The following BTRC variants were observed in gnomAD, a reference collection of about 807,000 sequenced individuals.
BTRC encodes beta-transducin repeat containing E3 ubiquitin protein ligase, also known as F-box/WD repeat-containing protein 1A.
BTRC carries 42 observed loss-of-function variants against 85.5 expected under a neutral mutation model. The observed-to-expected ratio is 0.49, with a 90% confidence interval of 0.38 to 0.64. BTRC has a LOEUF of 0.64. BTRC is among the 30% of genes least tolerant of loss of function. BTRC has a pLI of 0.00. For synonymous variants in BTRC, 255 were observed against 263.3 expected (o/e 0.97, Z 0.30); for missense variants, 594 against 743.5 (o/e 0.80, Z 2.34).
chr10:101,442,670 C>T (rs927269246), intron 2 of BTRC, among the ~76,000 whole-genome samples: 1 of 151,970 alleles, frequency 6.6e-6, no homozygotes, highest in Non-Finnish European at 1.5e-5. Flanking sequence ...TCTTTTTTCT[C>T]ATTTTGTCCT....
At chr10:101,404,802 T>C (rs1468059003) in intron 1 of BTRC, among the ~76,000 whole-genome samples, 2 of 151,904 alleles carry the variant, frequency 1.3e-5, no homozygotes, top group African/African-American at 4.8e-5. Context: ...ATCGAGACCA[T>C]CCTGGCTAAT....
At chr10:101,546,764 A>G (rs1416506263) in intron 13 of BTRC, among the ~76,000 whole-genome samples, 3 of 152,232 alleles carry the variant, frequency 2.0e-5, no homozygotes, top group African/African-American at 7.2e-5. Flanking sequence ...CTTTGAAAGG[A>G]TCAATAAAAT....
chr10:101,427,353 T>C (rs1589453265), intron 1 of BTRC, among the ~76,000 whole-genome samples: 1 of 151,972 alleles, frequency 6.6e-6, no homozygotes, highest in East Asian at 1.9e-4. Flanking sequence ...CTTGACCTTG[T>C]GTTCCACCCA....
intron 1 of BTRC, among the ~76,000 whole-genome samples, chr10:101,394,402 G>A (rs1426018238): frequency 6.6e-6 from 1 of 152,114 alleles, no homozygotes. Flanking sequence ...TATTCTTTTT[G>A]CAGCATCCTG....
chr10:101,477,644 AT>A (rs1945724903), intron 3 of BTRC, among the ~76,000 whole-genome samples: 1 of 151,622 alleles, frequency 6.6e-6, no homozygotes, highest in African/African-American at 2.4e-5. Flanking sequence ...ATTTCCTATG[AT>A]TTTTTTCTTT....
rs944679323 is a variant in BTRC, at chr10:101,380,963, A to G, written c.48+26735A>G. Among the ~76,000 whole-genome samples the G allele has an allele frequency of 9.8e-5, 15 of 152,328 alleles. No individual in the cohort carries two copies. In the East Asian group the frequency reaches 2.5e-3, roughly 25 times the overall value. On this transcript the variant is annotated intron_variant, in intron 1 of 14. Transcript: ENST00000370187. ...TACACTGAATCCTGTAAGCCATTGT[A>G]ACACAATGGTATTTGTATATCTAAA... is the stretch of plus-strand genomic sequence containing the variant.
intron 4 of BTRC, among the ~76,000 whole-genome samples, chr10:101,496,489 C>T (rs1361555607): frequency 1.3e-5 from 2 of 152,286 alleles, no homozygotes; most frequent in African/African-American, 2.4e-5. Flanking sequence ...AATCATAGCT[C>T]ACTGTAACCT....
intron 1 of BTRC, among the ~76,000 whole-genome samples, chr10:101,366,722 G>T (rs1942385770): frequency 7.6e-6 from 1 of 132,064 alleles, no homozygotes; most frequent in Admixed American, 9.2e-5. Flanking sequence ...TAGCAGATAA[G>T]GAAAATATAA....
intron 3 of BTRC, among the ~76,000 whole-genome samples, chr10:101,476,142 T>G (rs1209941911): frequency 6.6e-6 from 1 of 151,722 alleles, no homozygotes; most frequent in East Asian, 1.9e-4. Flanking sequence ...TGAGAAAATA[T>G]CAGACAAACC....
chr10:101,543,681 TGGTG>T lies in BTRC; in HGVS notation c.1656+5311_1656+5314del, dbSNP rs377632358. ...GGTTCTTAGTTATATCTCACTAATT[TGGTG>T]AGGAGGGACCTAGGGTTTACAATAG... On this transcript the variant is annotated intron_variant, in intron 13 of 14. Coordinates refer to ENST00000370187, the MANE Select transcript of BTRC (RefSeq NM_033637.4). Among the ~76,000 whole-genome samples the T allele has an allele frequency of 1.4e-4, 22 of 152,190 alleles. No homozygotes were observed. In the South Asian group the frequency reaches 4.6e-3, roughly 32 times the overall value.
At chr10:101,550,361 T>C (rs1302548421) in intron 13 of BTRC, among the ~76,000 whole-genome samples, 1 of 152,034 alleles carries the variant, frequency 6.6e-6, no homozygotes, top group Non-Finnish European at 1.5e-5. Flanking sequence ...CTCGGCTCAC[T>C]GCAACCTCCA....
chr10:101,521,933 G>A, intron 5 of BTRC, 63 bp downstream of exon 5: 1 of 1,199,736 alleles, frequency 8.3e-7, no homozygotes, highest in African/African-American at 1.6e-5. Flanking sequence ...TAGATCTCCA[G>A]CTATATATCT....
rs1941972476 is a variant in BTRC at position 101,354,480 on chromosome 10, G to C, written c.48+252G>C. The C allele has an allele frequency of 9.9e-6, 5 of 504,514 alleles. No individual in the cohort carries two copies. In the South Asian group the frequency reaches 1.2e-4, roughly 12 times the overall value. 31.3% of individuals were successfully genotyped at this position (504,514 alleles called of 1,614,324 possible). On this transcript the variant is annotated intron_variant, in intron 1 of 14. Transcript: ENST00000370187. ...GTGACAGCGGGAGCTTAATCGAGGA[G>C]GGGGCTCCAGGCGGCGCGCGGGGCC...
At chr10:101,377,592 C>T (rs1158532632) in intron 1 of BTRC, among the ~76,000 whole-genome samples, 1 of 152,098 alleles carries the variant, frequency 6.6e-6, no homozygotes, top group Non-Finnish European at 1.5e-5. Flanking sequence ...ATAGGGATAT[C>T]CTATTGTGGT....
intron 2 of BTRC, among the ~76,000 whole-genome samples, chr10:101,451,236 CTCTT>C (rs1432732028): frequency 3.9e-5 from 6 of 152,106 alleles, no homozygotes; most frequent in African/African-American, 1.4e-4. Flanking sequence ...TGTTTTCTTC[CTCTT>C]TAAGAGCACT....
chr10:101,385,743 A>T (rs7072719), intron 1 of BTRC, among the ~76,000 whole-genome samples: 53,569 of 149,012 alleles, frequency 0.36, 10,691 homozygotes, highest in Middle Eastern at 0.49. Context: ...ACACACACAC[A>T]CATATGTTTT....
intron 1 of BTRC, among the ~76,000 whole-genome samples, chr10:101,381,035 C>T (rs1412426441): frequency 6.6e-6 from 1 of 152,004 alleles, no homozygotes; most frequent in Non-Finnish European, 1.5e-5. Context: ...TTTATGAGAC[C>T]ACTGTTGCAT....
intron 1 of BTRC, among the ~76,000 whole-genome samples, chr10:101,383,057 A>ATTTTTTTT (rs370353886): frequency 6.0e-5 from 7 of 116,516 alleles, no homozygotes; most frequent in Admixed American, 1.9e-4. Flanking sequence ...TTCCCTGGAG[A>ATTTTTTTT]TTTTTTTTTT....
Position 101,553,250 on chromosome 10 carries a change from C to T in BTRC, c.*127C>T, listed in dbSNP as rs947035410. ...TACTGCCCAGTTTCCCTGGACTAGC[C>T]GAGGAGCAGGGCTTTGAGACTCCTG... On this transcript the variant is annotated 3_prime_UTR_variant, in exon 15 of 15. Coordinates refer to ENST00000370187, the MANE Select transcript of BTRC (RefSeq NM_033637.4). The T allele has an allele frequency of 3.9e-5, 6 of 152,650 alleles. No homozygotes were observed. Among genetic ancestry groups the T allele is most frequent in the East Asian group, 1.9e-4 (1 of 5,192 alleles). 9.5% of individuals were successfully genotyped at this position (152,650 alleles called of 1,614,324 possible).
Sources: gnomAD v4.1 joint callset for allele counts (sites outside exome capture counted in the v4.1 genomes callset) on GRCh38, gnomAD v4.1.1 for gene constraint, MANE v1.5 for transcripts, NCBI Gene and HGNC (gene_info 2026-07-23, HGNC 2026-07-21) for gene names.